WWOX: variants seen among roughly 807,000 people sequenced by gnomAD.
WWOX encodes the protein WW domain containing oxidoreductase.
Under a neutral mutation model 46.2 loss-of-function variants are expected in WWOX, and 69 were observed. That is an observed-to-expected ratio of 1.49 (90% CI 1.23 to 1.82). The LOEUF (loss-of-function observed/expected upper bound fraction) is 1.82, where lower values mean the gene tolerates loss of function less well. WWOX is among the 40% of genes most tolerant of loss of function. The pLI, the probability that WWOX is intolerant of heterozygous loss-of-function variation, is 0.00. For synonymous variants in WWOX, 359 were observed against 202.6 expected, an observed-to-expected ratio of 1.77 and a Z score of -6.56; for missense variants, 919 against 542.6, an observed-to-expected ratio of 1.69 and a Z score of -6.89.
At chr16:78,957,703 A>G (rs1184737930) in intron 8 of WWOX, among the ~76,000 whole-genome samples, 1 of 152,212 alleles carries the variant, frequency 6.6e-6, no homozygotes, top group Non-Finnish European at 1.5e-5. Flanking sequence ...TGATTTATGT[A>G]TGTGAACCTC....
At chr16:78,466,054 C>T (rs1035943841) in intron 8 of WWOX, among the ~76,000 whole-genome samples, 3 of 150,672 alleles carry the variant, frequency 2.0e-5, no homozygotes, top group Non-Finnish European at 3.0e-5. Context: ...TTTTTTGAGA[C>T]GGAGTCTTGC....
intron 8 of WWOX, among the ~76,000 whole-genome samples, chr16:79,109,830 CAGA>C (rs1263960688): frequency 6.6e-6 from 1 of 152,130 alleles, no homozygotes; most frequent in Non-Finnish European, 1.5e-5. Context: ...GATACCTGCA[CAGA>C]AGCAGAGGTT....
At chr16:78,259,004 A>C (rs2038207658) in intron 5 of WWOX, among the ~76,000 whole-genome samples, 1 of 152,210 alleles carries the variant, frequency 6.6e-6, no homozygotes, top group Non-Finnish European at 1.5e-5. Flanking sequence ...CTTACCTCAG[A>C]CGTGCCAAAA....
intron 8 of WWOX, among the ~76,000 whole-genome samples, chr16:78,437,858 G>A (rs952716924): frequency 6.6e-6 from 1 of 152,198 alleles, no homozygotes; most frequent in Non-Finnish European, 1.5e-5. Context: ...ATTCTTTTAT[G>A]CAGTTAAATT....
chr16:78,768,300 A>AAAAAAAT (rs1555531813), intron 8 of WWOX, among the ~76,000 whole-genome samples: 21 of 148,794 alleles, frequency 1.4e-4, no homozygotes, highest in African/African-American at 5.0e-4. Context: ...AAAAAAAAAA[A>AAAAAAAT]GTTGCCTGGC....
chr16:78,841,922 C>G (rs369457566), intron 8 of WWOX, among the ~76,000 whole-genome samples: 131 of 152,198 alleles, frequency 8.6e-4, no homozygotes, highest in African/African-American at 2.9e-3. Context: ...CTTGAGTATC[C>G]TGATCTAATT....
chr16:78,316,163 T>C (rs949447752), intron 5 of WWOX, among the ~76,000 whole-genome samples: 1 of 152,018 alleles, frequency 6.6e-6, no homozygotes, highest in African/African-American at 2.4e-5. Flanking sequence ...GAGAATCGCC[T>C]TGAACCTGGG....
chr16:78,409,742 C>G (rs1018698446), intron 6 of WWOX, among the ~76,000 whole-genome samples: 30 of 152,176 alleles, frequency 2.0e-4, no homozygotes, highest in African/African-American at 6.8e-4. Context: ...TTTCTAGAGA[C>G]TCCAGGGAGA....
intron 8 of WWOX, among the ~76,000 whole-genome samples, chr16:78,789,776 C>G (rs2050547676): frequency 6.6e-6 from 1 of 152,304 alleles, no homozygotes; most frequent in South Asian, 2.1e-4. Context: ...CCATGACATA[C>G]AACTTGCAGG....
At chr16:79,013,347 A>G (rs533977498) in intron 8 of WWOX, among the ~76,000 whole-genome samples, 4 of 152,046 alleles carry the variant, frequency 2.6e-5, no homozygotes, top group Non-Finnish European at 4.4e-5. Flanking sequence ...TAGTACAGGG[A>G]TGTGTCTGAC....
chr16:78,566,540 G>A (rs2044573122), intron 8 of WWOX, among the ~76,000 whole-genome samples: 1 of 152,160 alleles, frequency 6.6e-6, no homozygotes, highest in African/African-American at 2.4e-5. Context: ...ATGGTTCCAA[G>A]GACCAACTGA....
rs116033589 is a variant in WWOX at position 78,541,731 on chromosome 16, C to T, written c.1056+108979C>T. On this transcript the variant is annotated intron_variant, in intron 8 of 8. Transcript: ENST00000566780. ...CTCCAGGTCCTTATCTGTAAGGTGGCAGTTACAATAATACCCACCTCCCAG... is the reference window on the plus strand; with the variant it reads ...CTCCAGGTCCTTATCTGTAAGGTGGTAGTTACAATAATACCCACCTCCCAG... Among the ~76,000 whole-genome samples, 277 of 151,892 alleles carry T rather than the reference C, an allele frequency of 1.8e-3. 1 individual carries two copies. The highest frequency in any genetic ancestry group is 6.5e-3 in the African/African-American group (269 of 41,454).
chr16:78,260,565 G>C (rs975969040), intron 5 of WWOX, among the ~76,000 whole-genome samples: 3 of 151,408 alleles, frequency 2.0e-5, no homozygotes, highest in African/African-American at 7.3e-5. Flanking sequence ...CTACTTGGGA[G>C]GCTGAGGCAG....
intron 8 of WWOX, among the ~76,000 whole-genome samples, chr16:78,545,040 A>T (rs1025270144): frequency 6.6e-6 from 1 of 152,148 alleles, no homozygotes; most frequent in African/African-American, 2.4e-5. Flanking sequence ...AGAAAGAGAG[A>T]GAGATTATTT....
At chr16:78,581,633 G>C (rs932884744) in intron 8 of WWOX, among the ~76,000 whole-genome samples, 5 of 152,038 alleles carry the variant, frequency 3.3e-5, no homozygotes, top group Non-Finnish European at 7.4e-5. Context: ...TCTCTTTCCC[G>C]TGGGCCCCTT....
chr16:78,666,333 G>T (rs1490246293), intron 8 of WWOX, among the ~76,000 whole-genome samples: 1 of 152,008 alleles, frequency 6.6e-6, no homozygotes, highest in Non-Finnish European at 1.5e-5. Flanking sequence ...AGATTTGGGG[G>T]TTACTTGTAA....
At chr16:78,821,479 C>A (rs1291910112) in intron 8 of WWOX, among the ~76,000 whole-genome samples, 1 of 152,192 alleles carries the variant, frequency 6.6e-6, no homozygotes, top group Non-Finnish European at 1.5e-5. Context: ...ATATTGTGAT[C>A]CTGGCCTTTG....
chr16:78,472,095 G>C (rs16947623), intron 8 of WWOX, among the ~76,000 whole-genome samples: 30,498 of 152,090 alleles, frequency 0.2, 6,410 homozygotes, highest in African/African-American at 0.54. Context: ...GCTTGCAGTA[G>C]ACAGAGAGTT....
chr16:78,837,539 CT>C (rs1395376644), intron 8 of WWOX, among the ~76,000 whole-genome samples: 2 of 152,082 alleles, frequency 1.3e-5, no homozygotes, highest in Admixed American at 6.6e-5. Flanking sequence ...GAGTGGGATA[CT>C]TTTTTTTATT....
Sources: allele counts gnomAD v4.1 joint callset (sites outside exome capture counted in the v4.1 genomes callset), GRCh38; gene constraint gnomAD v4.1.1; transcripts MANE v1.5; gene names NCBI Gene and HGNC (gene_info 2026-07-23, HGNC 2026-07-21).